ZNF90: variants seen among roughly 807,000 people sequenced by gnomAD.
The protein encoded by ZNF90 is zinc finger protein HTF9.
A neutral mutation model predicts 12.0 loss-of-function variants in ZNF90; 11 were observed. The ratio of observed to expected loss-of-function variants is 0.92; its 90% CI spans 0.58 to 1.52. ZNF90 has a LOEUF of 1.52. Ranked by LOEUF, ZNF90 falls within the 40% of genes most tolerant of loss-of-function variation. ZNF90 has a pLI of 0.00. For missense variants in ZNF90, 765 were observed against 711.5 expected, an observed-to-expected ratio of 1.08 and a Z score of -0.86; for synonymous variants, 232 against 240.1, an observed-to-expected ratio of 0.97 and a Z score of 0.31.
rs2088942549 is a variant in ZNF90, at chr19:20,096,036, G to C, written c.4-8203G>C. Among the ~76,000 whole-genome samples the C allele has an allele frequency of 2.6e-5, 4 of 152,180 alleles. No individual in the cohort carries two copies. The South Asian group carries it at 8.3e-4, about 32-fold the overall frequency. ...CCGGTGCCGGAGTTTTGGGTCCATG[G>C]ATAAAACGTGTCTCCTTTGTCTCTA... On this transcript the variant is annotated intron_variant, in intron 1 of 3. Coordinates refer to ENST00000418063, the MANE Select transcript of ZNF90 (RefSeq NM_007138.2).
At chr19:20,110,497 G>T (rs528979264) in intron 3 of ZNF90, among the ~76,000 whole-genome samples, 2 of 151,954 alleles carry the variant, frequency 1.3e-5, no homozygotes, top group Admixed American at 6.6e-5. Flanking sequence ...GACTCCTGAC[G>T]TCAGGTGATC....
chr19:20,099,494 C>A (rs1298934805), intron 1 of ZNF90, among the ~76,000 whole-genome samples: 1 of 152,188 alleles, frequency 6.6e-6, no homozygotes, highest in Non-Finnish European at 1.5e-5. Context: ...TCAGCTCAGA[C>A]TTTTGTATGG....
Position 20,117,900 on chromosome 19 carries a change from G to T in ZNF90, c.346G>T (p.Gly116Cys), listed in dbSNP as rs782693273. The change falls in exon 4 of 4, where the codon GGT (glycine) becomes TGT (cysteine). Residue 116 changes from glycine (G) to cysteine (C), a missense_variant. Gly to Cys is a radical substitution (Grantham distance 159, BLOSUM62 -3). Transcript: ENST00000418063. ...REYGNLELKK[G>C]CESVDEGKVH... ...ATATGGCAATTTAGAGTTAAAAAAA[G>T]GTTGTGAAAGTGTGGATGAGGGTAA... 2.5e-6 allele frequency: 4 copies of T among 1,612,114 alleles called. No individual in the cohort carries two copies. The highest frequency in any genetic ancestry group is 2.2e-5 in the South Asian group (2 of 90,650).
At chr19:20,103,740 C>T (rs556905622) in intron 1 of ZNF90, among the ~76,000 whole-genome samples, 2 of 152,092 alleles carry the variant, frequency 1.3e-5, no homozygotes, top group Admixed American at 6.5e-5. Context: ...GACAAAATAT[C>T]CTTCTTGGGC....
rs1555706393 is a variant in ZNF90, at chr19:20,119,908, A to G, written c.*548A>G. Reference sequence around the variant, plus strand: ...CACAAGTTCTCAGTTCTTAAGAGACATGGTGATAATTCATGCTGAAGAGGA... The same window carrying G: ...CACAAGTTCTCAGTTCTTAAGAGACGTGGTGATAATTCATGCTGAAGAGGA... On this transcript the variant is annotated 3_prime_UTR_variant, in exon 4 of 4. Transcript: ENST00000418063. Among the ~76,000 whole-genome samples the G allele has an allele frequency of 6.6e-6, 1 of 152,236 alleles. No homozygotes were observed. Among genetic ancestry groups the G allele is most frequent in the Non-Finnish European group, 1.5e-5 (1 of 68,042 alleles).
chr19:20,095,772 G>A (rs1555703196), intron 1 of ZNF90, among the ~76,000 whole-genome samples: 1 of 151,862 alleles, frequency 6.6e-6, no homozygotes, highest in African/African-American at 2.4e-5. Context: ...GGGTGAAGGA[G>A]AAGGGGTTGA....
intron 1 of ZNF90, among the ~76,000 whole-genome samples, chr19:20,093,473 G>A (rs2088918357): frequency 6.6e-6 from 1 of 152,126 alleles, no homozygotes; most frequent in South Asian, 2.1e-4. Context: ...GCTAAGGTGG[G>A]GGGATATGAG....
At chr19:20,111,220 G>C (rs1160118191) in intron 3 of ZNF90, among the ~76,000 whole-genome samples, 6 of 152,132 alleles carry the variant, frequency 3.9e-5, no homozygotes, top group Admixed American at 3.3e-4. Context: ...TTACAGGCAT[G>C]AGCCACTGTG....
In ZNF90 at chr19:20,078,155, A is replaced by T. The variant is rs1264672135; in HGVS notation, c.3+20A>T. ...GAAATGGTGAGAGTGCCTTTCCAGC[A>T]TTCCGAGAGAGGGGAGGGACTGGTT... On this transcript the variant is annotated intron_variant, in intron 1 of 3. Transcript: ENST00000418063. The T allele has an allele frequency of 1.2e-5, 19 of 1,614,118 alleles. No homozygotes were observed. The highest frequency in any genetic ancestry group is 1.5e-5 in the Non-Finnish European group (18 of 1,179,996).
At chr19:20,090,622 TTCA>T (rs1439137115) in intron 1 of ZNF90, among the ~76,000 whole-genome samples, 1 of 152,154 alleles carries the variant, frequency 6.6e-6, no homozygotes, top group African/African-American at 2.4e-5. Context: ...CTAGGTTGTC[TTCA>T]TATGGCTGGC....
Position 20,106,044 on chromosome 19 carries a change from C to CATTTTTTTT in ZNF90, c.226+728_226+729insATTTTTTTT, listed in dbSNP as rs1555704366. Reference sequence around the variant, plus strand: ...TTATTTGGAACTTCTCTAATTTTTTCTTTTTTTTTTTTTTTTTTTTTTTGG... The same window carrying CATTTTTTTT: ...TTATTTGGAACTTCTCTAATTTTTTCATTTTTTTTTTTTTTTTTTTTTTTTTTTTTTTGG... On this transcript the variant is annotated intron_variant, in intron 3 of 3. Coordinates refer to ENST00000418063, the MANE Select transcript of ZNF90 (RefSeq NM_007138.2). Among the ~76,000 whole-genome samples, 203 of 70,868 alleles carry CATTTTTTTT rather than the reference C, an allele frequency of 2.9e-3. 4 individuals are homozygous for CATTTTTTTT. Among genetic ancestry groups the CATTTTTTTT allele is most frequent in the Middle Eastern group, 0.018 (1 of 56 alleles). The allele number at this position is 70,868 out of a possible 152,430, so 46.5% of individuals were successfully genotyped here.
At chr19:20,106,044 C>CATTTTTTTTTTTT (rs1555704366) in intron 3 of ZNF90, among the ~76,000 whole-genome samples, 4 of 71,056 alleles carry the variant, frequency 5.6e-5, no homozygotes, top group African/African-American at 2.1e-4. Context: ...CTAATTTTTT[C>CATTTTTTTTTTTT]TTTTTTTTTT....
At chr19:20,095,862 C>A (rs2088940811) in intron 1 of ZNF90, among the ~76,000 whole-genome samples, 4 of 152,146 alleles carry the variant, frequency 2.6e-5, no homozygotes, top group South Asian at 4.1e-4. Flanking sequence ...CTTGTCCCTT[C>A]CCCAGAAAAG....
At position 20,118,806 on chromosome 19, in the gene ZNF90, A is replaced by C. The variant is rs1555706153; in HGVS notation, c.1252A>C (p.Ser418Arg). ...RSSTLTIHKI[S>R]HTEEKPYKCQ... ...CTCAACACTTACTATACATAAGATA[A>C]GTCATACTGAAGAGAAACCCTACAA... The change falls in exon 4 of 4, where the codon AGT becomes CGT. Residue 418 changes from serine (S) to arginine (R), a missense_variant. Coordinates refer to ENST00000418063, the MANE Select transcript of ZNF90 (RefSeq NM_007138.2). 1.2e-6 allele frequency: 2 copies of C among 1,604,252 alleles called. No homozygotes were observed. Among genetic ancestry groups the C allele is most frequent in the Non-Finnish European group, 1.7e-6 (2 of 1,175,086 alleles).
Position 20,120,233 on chromosome 19 carries a change from C to T in ZNF90, c.*873C>T, listed in dbSNP as rs2089183909. On this transcript the variant is annotated 3_prime_UTR_variant, in exon 4 of 4. Transcript: ENST00000418063. ...TGGAAAACCCATTAATGCCTACTCACATCTTACCCAACAGAAGGTGGTTCA... is the reference window on the plus strand; with the variant it reads ...TGGAAAACCCATTAATGCCTACTCATATCTTACCCAACAGAAGGTGGTTCA... 6.6e-6 allele frequency among the ~76,000 whole-genome samples: 1 copy of T among 152,194 alleles called. No individual in the cohort carries two copies. Among genetic ancestry groups the T allele is most frequent in the Admixed American group, 6.5e-5 (1 of 15,284 alleles).
At chr19:20,096,178 A>G (rs1294445343) in intron 1 of ZNF90, among the ~76,000 whole-genome samples, 4 of 152,194 alleles carry the variant, frequency 2.6e-5, no homozygotes, top group African/African-American at 9.6e-5. Context: ...GAGTAAAAAG[A>G]GGCCGCTTAC....
At chr19:20,103,603 C>T (rs369762716) in intron 1 of ZNF90, among the ~76,000 whole-genome samples, 3 of 152,282 alleles carry the variant, frequency 2.0e-5, no homozygotes, top group South Asian at 2.1e-4. Context: ...TAAACCAGCA[C>T]ATTTAATCTG....
At chr19:20,110,388 C>T (rs1271332682) in intron 3 of ZNF90, among the ~76,000 whole-genome samples, 8 of 152,220 alleles carry the variant, frequency 5.3e-5, no homozygotes, top group Admixed American at 2.0e-4. Flanking sequence ...AAGCAATTCT[C>T]CTGCTTCAGC....
At chr19:20,080,599 G>T in intron 1 of ZNF90, 1 of 190,640 alleles carries the variant, frequency 5.2e-6, no homozygotes, top group Non-Finnish European at 1.1e-5. Flanking sequence ...CTTCCATTTG[G>T]CTTTTCCTGG....
Sources: gnomAD v4.1 joint callset for allele counts (sites outside exome capture counted in the v4.1 genomes callset) on GRCh38, gnomAD v4.1.1 for gene constraint, MANE v1.5 for transcripts, NCBI Gene and HGNC (gene_info 2026-07-23, HGNC 2026-07-21) for gene names.